Variants in CSMD3 observed in about 807,000 individuals in gnomAD.
CSMD3 encodes the protein CUB and Sushi multiple domains 3.
In CSMD3, 177 loss-of-function variants were observed where a neutral mutation model predicts 435.2. That is an observed-to-expected ratio of 0.41 (90% confidence interval 0.36 to 0.46). CSMD3 has a LOEUF of 0.46. CSMD3 is among the 20% of genes least tolerant of loss of function. The pLI, the probability that CSMD3 is intolerant of heterozygous loss-of-function variation, is 0.34. For missense variants in CSMD3, 4,265 were observed against 4,504.6 expected, an observed-to-expected ratio of 0.95 and a Z score of 1.52; for synonymous variants, 1,656 against 1,520.5, an observed-to-expected ratio of 1.09 and a Z score of -2.07.
intron 59 of CSMD3, among the ~76,000 whole-genome samples, chr8:112,273,521 C>T (rs992972483): frequency 1.3e-5 from 2 of 151,834 alleles, no homozygotes; most frequent in South Asian, 2.1e-4. Flanking sequence ...GTCAGGAGAT[C>T]GAGACCATCC....
chr8:112,596,795 A>G (rs1404128964), intron 22 of CSMD3, among the ~76,000 whole-genome samples: 2 of 152,200 alleles, frequency 1.3e-5, no homozygotes, highest in Admixed American at 1.3e-4. Context: ...GAAGGCAGAA[A>G]TAAAGATGTT....
intron 28 of CSMD3, among the ~76,000 whole-genome samples, chr8:112,508,803 T>A (rs1481113196): frequency 6.6e-6 from 1 of 152,138 alleles, no homozygotes; most frequent in Non-Finnish European, 1.5e-5. Context: ...ATTTTTTTTT[T>A]AATTTGGCAT....
intron 27 of CSMD3, among the ~76,000 whole-genome samples, chr8:112,547,648 G>A (rs1380000855): frequency 6.6e-6 from 1 of 152,110 alleles, no homozygotes; most frequent in East Asian, 1.9e-4. Flanking sequence ...CTACTGGAAG[G>A]AGCATGAGCT....
chr8:112,977,441 T>C (rs2084895538), intron 6 of CSMD3, among the ~76,000 whole-genome samples: 1 of 152,076 alleles, frequency 6.6e-6, no homozygotes, highest in Non-Finnish European at 1.5e-5. Flanking sequence ...AAAAGCAATG[T>C]CAATATGGTT....
In CSMD3 at chr8:112,352,666, T is replaced by A. The variant is rs1826239516; in HGVS notation, c.6137-132A>T. ...TACTATATTGAGACGTTGAGAACGT[T>A]CTGTGAACAAGATTTAACTGTAGAT... is the stretch of plus-strand genomic sequence containing the variant. On this transcript the variant is annotated intron_variant, in intron 38 of 70. Coordinates refer to ENST00000297405, the MANE Select transcript of CSMD3 (RefSeq NM_198123.2). The A allele has an allele frequency of 1.0e-5, 8 of 785,694 alleles. No homozygotes were observed. In the Admixed American group the frequency reaches 1.3e-4, roughly 13 times the overall value. 48.7% of individuals were successfully genotyped at this position (785,694 alleles called of 1,614,324 possible).
intron 32 of CSMD3, among the ~76,000 whole-genome samples, chr8:112,426,578 C>T (rs1813090511): frequency 6.6e-6 from 1 of 152,130 alleles, no homozygotes. Flanking sequence ...ATCTTCTTAG[C>T]TAATGTCTAT....
intron 27 of CSMD3, among the ~76,000 whole-genome samples, chr8:112,520,351 T>C (rs1824143777): frequency 6.6e-6 from 1 of 152,070 alleles, no homozygotes; most frequent in Non-Finnish European, 1.5e-5. Context: ...AATGAGATCT[T>C]AAGATCTCAG....
intron 13 of CSMD3, among the ~76,000 whole-genome samples, chr8:112,760,993 C>T (rs1347869776): frequency 1.3e-5 from 2 of 152,138 alleles, no homozygotes; most frequent in South Asian, 4.1e-4. Context: ...CGAACATGGT[C>T]TTTGTCAGTA....
intron 45 of CSMD3, among the ~76,000 whole-genome samples, chr8:112,333,423 T>C (rs1824263293): frequency 6.6e-6 from 1 of 152,134 alleles, no homozygotes. Context: ...TGCCTTGGCC[T>C]CCCATAGTGC....
chr8:112,742,690 T>C (rs764414095), intron 13 of CSMD3, among the ~76,000 whole-genome samples: 17 of 151,874 alleles, frequency 1.1e-4, no homozygotes, highest in Non-Finnish European at 1.9e-4. Flanking sequence ...CCTGTCTCGA[T>C]GATTGAAAAA....
chr8:112,476,924 T>C (rs1819110722), intron 31 of CSMD3, among the ~76,000 whole-genome samples: 1 of 152,212 alleles, frequency 6.6e-6, no homozygotes, highest in Admixed American at 6.5e-5. Context: ...CACAAGTTCA[T>C]ACCACTGGTA....
At chr8:113,141,098 G>C (rs2091537577) in intron 4 of CSMD3, among the ~76,000 whole-genome samples, 1 of 150,674 alleles carries the variant, frequency 6.6e-6, no homozygotes, top group Admixed American at 6.6e-5. Context: ...AAACTCACCA[G>C]ATCCTCAAAA....
At chr8:113,081,329 C>T (rs554082303) in intron 5 of CSMD3, among the ~76,000 whole-genome samples, 1 of 152,242 alleles carries the variant, frequency 6.6e-6, no homozygotes, top group East Asian at 1.9e-4. Context: ...TGGTAGTTGA[C>T]AAATTCTCAG....
intron 2 of CSMD3, among the ~76,000 whole-genome samples, chr8:113,285,660 A>G (rs2093641940): frequency 6.6e-6 from 1 of 152,206 alleles, no homozygotes; most frequent in South Asian, 2.1e-4. Flanking sequence ...ATATGAGACG[A>G]ACATCCTGGA....
chr8:113,298,423 T>C (rs571204784), intron 2 of CSMD3, among the ~76,000 whole-genome samples: 7 of 152,256 alleles, frequency 4.6e-5, no homozygotes, highest in African/African-American at 1.7e-4. Flanking sequence ...CAACATTTTA[T>C]TTTCATTATT....
At chr8:112,381,472 C>T (rs527437180) in intron 37 of CSMD3, among the ~76,000 whole-genome samples, 2 of 152,288 alleles carry the variant, frequency 1.3e-5, no homozygotes, top group South Asian at 2.1e-4. Context: ...AATAAACAAG[C>T]GCTAATTCTA....
At chr8:112,836,276 A>T (rs887492931) in intron 11 of CSMD3, among the ~76,000 whole-genome samples, 2 of 151,848 alleles carry the variant, frequency 1.3e-5, no homozygotes, top group Non-Finnish European at 2.9e-5. Flanking sequence ...TGATAACCAA[A>T]GGGGAAAATG....
At chr8:112,762,041 C>T (rs1180314302) in intron 13 of CSMD3, among the ~76,000 whole-genome samples, 2 of 152,016 alleles carry the variant, frequency 1.3e-5, no homozygotes, top group Admixed American at 1.3e-4. Context: ...TTCTGGTTTA[C>T]CTTCTGCCAG....
At chr8:113,152,861 C>T (rs1417426878) in intron 4 of CSMD3, among the ~76,000 whole-genome samples, 1 of 151,664 alleles carries the variant, frequency 6.6e-6, no homozygotes. Context: ...GTTCCAGCTA[C>T]TCAGGAGGCT....
Sources: gnomAD v4.1 joint callset for allele counts (sites outside exome capture counted in the v4.1 genomes callset) on GRCh38, gnomAD v4.1.1 for gene constraint, MANE v1.5 for transcripts, NCBI Gene and HGNC (gene_info 2026-07-23, HGNC 2026-07-21) for gene names.